The following GAA variants were observed in gnomAD, a reference collection of about 807,000 sequenced individuals.
GAA encodes the protein alpha glucosidase, also known as lysosomal alpha-glucosidase.
In GAA, 88 loss-of-function variants were observed where a neutral mutation model predicts 103.9. The ratio of observed to expected loss-of-function variants is 0.85; its 90% CI spans 0.71 to 1.01. GAA has a LOEUF of 1.01. GAA is among the 50% of genes least tolerant of loss of function. The pLI, the probability that GAA is intolerant of heterozygous loss-of-function variation, is 0.00. For synonymous variants in GAA, 572 were observed against 563.1 expected, an observed-to-expected ratio of 1.02 and a Z score of -0.22; for missense variants, 1,350 against 1,305.3, an observed-to-expected ratio of 1.03 and a Z score of -0.53.
rs1480070037 is a variant in GAA at position 80,118,744 on chromosome 17, C to G, written c.2738C>G (p.Pro913Arg). The G allele has an allele frequency of 6.2e-7, 1 of 1,613,368 alleles. No individual in the cohort carries two copies. Among genetic ancestry groups the G allele is most frequent in the Non-Finnish European group, 8.5e-7 (1 of 1,180,022 alleles). The part of the protein sequence containing the change: ...KVTVLGVATA[P>R]QQVLSNGVPV... Reference sequence around the variant, plus strand: ...ACTGTCCTGGGCGTGGCCACGGCGCCCCAGCAGGTCCTCTCCAACGGTGTC... The same window carrying G: ...ACTGTCCTGGGCGTGGCCACGGCGCGCCAGCAGGTCCTCTCCAACGGTGTC... Residue 913 changes from proline to arginine, a missense_variant, in exon 19 of 20, where the codon CCC (proline) becomes CGC (arginine). Coordinates refer to ENST00000302262, the MANE Select transcript of GAA (RefSeq NM_000152.5).
chr17:80,101,933 C>T lies in GAA; in HGVS notation c.-33+43C>T, dbSNP rs565764519. ...TGCCCCGCGCTGCCGGCGGTAACATCCCAGAAGCGGGTTTGAACGTGCCTA... is the reference window on the plus strand; with the variant it reads ...TGCCCCGCGCTGCCGGCGGTAACATTCCAGAAGCGGGTTTGAACGTGCCTA... On this transcript the variant is annotated intron_variant, in intron 1 of 19. Coordinates refer to ENST00000302262, the MANE Select transcript of GAA (RefSeq NM_000152.5). 3.3e-5 allele frequency: 5 copies of T among 152,418 alleles called. No homozygotes were observed. In the East Asian group the frequency reaches 7.7e-4, roughly 24 times the overall value. 9.4% of individuals were successfully genotyped at this position (152,418 alleles called of 1,614,324 possible).
chr17:80,111,910 G>A (rs371600798), intron 11 of GAA, 73 bp from the exon 12 acceptor site: 1 of 1,292,828 alleles, frequency 7.7e-7, no homozygotes, highest in Non-Finnish European at 1.1e-6. Flanking sequence ...CTCCTGGGAG[G>A]TGGGGGGCAG....
In GAA at chr17:80,112,620, C is replaced by A. The variant is rs761377657; in HGVS notation, c.1797C>A (p.Ser599=). 6.2e-7 allele frequency: 1 copy of A among 1,612,920 alleles called. No individual in the cohort carries two copies. The highest frequency in any genetic ancestry group is 2.2e-5 in the East Asian group (1 of 44,886). The change falls in exon 13 of 20, where the codon TCC becomes TCA. Residue 599 remains serine (S), a synonymous_variant. Coordinates refer to ENST00000302262, the MANE Select transcript of GAA (RefSeq NM_000152.5). ...GGGGGACACGCCCATTTGTGATCTCCCGCTCGACCTTTGCTGGCCACGGCC... is the reference window on the plus strand; with the variant it reads ...GGGGGACACGCCCATTTGTGATCTCACGCTCGACCTTTGCTGGCCACGGCC... ...KARGTRPFVI[S]RSTFAGHGRY...
chr17:80,108,894 G>C (rs1008401943), intron 8 of GAA, 66 bp downstream of exon 8: 2 of 1,522,078 alleles, frequency 1.3e-6, no homozygotes, highest in East Asian at 2.5e-5. Flanking sequence ...CTCCTTCTCT[G>C]TGCAGCGTCA....
chr17:80,117,889 G>A (rs2039393240), intron 17 of GAA, 140 bp downstream of exon 17: 1 of 925,158 alleles, frequency 1.1e-6, no homozygotes, highest in Non-Finnish European at 1.6e-6. Context: ...CAAGGAGCCA[G>A]CCAGGCCAGT....
Position 80,112,595 on chromosome 17 carries a change from G to A in GAA, c.1772G>A (p.Arg591Gln), listed in dbSNP as rs528010457. 1.8e-5 allele frequency: 29 copies of A among 1,612,942 alleles called. 1 individual carries two copies. The highest frequency in any genetic ancestry group is 1.5e-4 in the South Asian group (14 of 91,080). ...CACCCCAGGGCGCTGGTGAAGGCTCGGGGGACACGCCCATTTGTGATCTCC... is the reference window on the plus strand; with the variant it reads ...CACCCCAGGGCGCTGGTGAAGGCTCAGGGGACACGCCCATTTGTGATCTCC... The part of the protein sequence containing the change: ...IASHRALVKA[R>Q]GTRPFVISRS... The change falls in exon 13 of 20, where the codon CGG (arginine) becomes CAG (glutamine). Residue 591 changes from arginine to glutamine, a missense_variant. Physicochemically the swap from Arg to Gln is conservative, Grantham distance 43. Coordinates refer to ENST00000302262, the MANE Select transcript of GAA (RefSeq NM_000152.5).
Position 80,118,658 on chromosome 17 carries a change from G to A in GAA, c.2652G>A (p.Thr884=), listed in dbSNP as rs143642048. Residue 884 remains threonine, a synonymous_variant, in exon 19 of 20, where the codon ACG becomes ACA. Coordinates refer to ENST00000302262, the MANE Select transcript of GAA (RefSeq NM_000152.5). ...TCTCTCTCTGCTCGGCCCAGAACAC[G>A]ATCGTGAATGAGCTGGTACGTGTGA... The part of the protein sequence containing the change: ...TQVIFLARNN[T]IVNELVRVTS... 919 of 1,612,242 alleles carry A rather than the reference G, an allele frequency of 5.7e-4. 1 individual carries two copies. Among genetic ancestry groups the A allele is most frequent in the Non-Finnish European group, 6.2e-4 (737 of 1,180,010 alleles).
At position 80,112,571 on chromosome 17, in the gene GAA, A is replaced by G. The variant is rs781539108; in HGVS notation, c.1755-7A>G. 35 of 1,612,704 alleles carry G rather than the reference A, an allele frequency of 2.2e-5. No individual in the cohort carries two copies. In the African/African-American group the frequency reaches 4.0e-4, roughly 18 times the overall value. ...CACAGCCCTCACGGTGTCCCCCACC[A>G]CCCCAGGGCGCTGGTGAAGGCTCGG... is the stretch of plus-strand genomic sequence containing the variant. On this transcript the variant is annotated splice_region_variant and splice_polypyrimidine_tract_variant and intron_variant, in intron 12 of 19. Transcript: ENST00000302262.
chr17:80,114,306 G>A (rs1302074705), intron 15 of GAA, among the ~76,000 whole-genome samples: 1 of 152,072 alleles, frequency 6.6e-6, no homozygotes, highest in Non-Finnish European at 1.5e-5. Context: ...GAGGAACACT[G>A]TTTGCAAAAC....
At position 80,104,837 on chromosome 17, in the gene GAA, TC is replaced by T. The variant is rs761317813; in HGVS notation, c.258del (p.Asn87ThrfsTer55). The T allele has an allele frequency of 6.2e-7, 1 of 1,611,664 alleles. No individual in the cohort carries two copies. The highest frequency in any genetic ancestry group is 1.1e-5 in the South Asian group (1 of 90,972). ...RPRAVPTQCD[V>X]PPNSRFDCAP... ...AGAGCAGTGCCCACACAGTGCGACG[TC>T]CCCCCCAACAGCCGCTTCGATTGCG... is the stretch of plus-strand genomic sequence containing the variant. On this transcript the variant is annotated frameshift_variant, in exon 2 of 20. Coordinates refer to ENST00000302262, the MANE Select transcript of GAA (RefSeq NM_000152.5). LOFTEE classifies it high-confidence loss of function. This position sits in a 1 kb window ranked among gnomAD's most constrained non-coding sequence, Gnocchi z 4.0.
intron 15 of GAA, among the ~76,000 whole-genome samples, chr17:80,114,556 G>A (rs536292035): frequency 7.9e-5 from 12 of 151,550 alleles, no homozygotes; most frequent in Non-Finnish European, 1.2e-4. Context: ...ATTGCCTCTC[G>A]TTCCTCTGTG....
chr17:80,111,970 C>A lies in GAA; in HGVS notation c.1637-13C>A, dbSNP rs765131719. The A allele has an allele frequency of 6.2e-7, 1 of 1,610,096 alleles. No homozygotes were observed. Among genetic ancestry groups the A allele is most frequent in the Non-Finnish European group, 8.5e-7 (1 of 1,177,470 alleles). On this transcript the variant is annotated splice_polypyrimidine_tract_variant and intron_variant, in intron 11 of 19. Coordinates refer to ENST00000302262, the MANE Select transcript of GAA (RefSeq NM_000152.5). ...GAGGAAGCTCCCTGGAAACCAGCCC[C>A]CGCCTCTTCCAGGGGTGGTTGGGGG...
In GAA at chr17:80,104,612, C is replaced by A; in HGVS notation, c.26C>A (p.Ser9Tyr). The change falls in exon 2 of 20, where the codon TCC becomes TAC. Residue 9 changes from serine (S) to tyrosine (Y), a missense_variant. Transcript: ENST00000302262. The surrounding 1 kb of genome is among the most constrained non-coding windows in gnomAD (Gnocchi z 4.0). The stretch of plus-strand genomic sequence containing the variant: ...ATGGGAGTGAGGCACCCGCCCTGCT[C>A]CCACCGGCTCCTGGCCGTCTGCGCC... MGVRHPPC[S>Y]HRLLAVCALV... 1 of 1,612,494 alleles carries A rather than the reference C, an allele frequency of 6.2e-7. No individual in the cohort carries two copies. Among genetic ancestry groups the A allele is most frequent in the South Asian group, 1.1e-5 (1 of 91,014 alleles).
At position 80,101,623 on chromosome 17, in the gene GAA, G is replaced by T. The variant is rs1352198940; in HGVS notation, c.-300G>T. The T allele has an allele frequency of 6.6e-6, 1 of 151,218 alleles. No individual in the cohort carries two copies. The highest frequency in any genetic ancestry group is 1.5e-5 in the Non-Finnish European group (1 of 67,720). 9.4% of individuals were successfully genotyped at this position (151,218 alleles called of 1,614,324 possible). A position where few individuals can be genotyped will look rare whatever the true frequency, so the allele number is the denominator to read the frequency against. On this transcript the variant is annotated 5_prime_UTR_variant, in exon 1 of 20. Coordinates refer to ENST00000302262, the MANE Select transcript of GAA (RefSeq NM_000152.5). ...CGGGCGGCCAGGGCGCGCGTGCGCG[G>T]AGGTGAGCCGGGCCGGGGCTGCGGG...
intron 11 of GAA, 80 bp from the exon 12 acceptor site, chr17:80,111,903 C>T: frequency 8.2e-7 from 1 of 1,221,954 alleles, no homozygotes; most frequent in Admixed American, 1.7e-5. Flanking sequence ...ACAGGGGCTC[C>T]TGGGAGGTGG....
rs773471300 is a variant in GAA at position 80,108,828 on chromosome 17, G to A, written c.1326G>A (p.Val442=). 1.3e-6 allele frequency: 2 copies of A among 1,588,808 alleles called. No individual in the cohort carries two copies. The highest frequency in any genetic ancestry group is 2.3e-5 in the South Asian group (2 of 88,084). The change falls in exon 8 of 20, where the codon GTG becomes GTA. Residue 442 remains valine (V), a splice_region_variant and synonymous_variant. Transcript: ENST00000302262. ...GCGGCCGGCGCTACATGATGATCGT[G>A]GTGTGTGCCCCCACACTGTGGGTCT... ...HQGGRRYMMI[V]DPAISSSGPA...
chr17:80,108,169 A>G (rs1334242723), intron 5 of GAA, 121 bp from the exon 6 acceptor site: 1 of 1,555,322 alleles, frequency 6.4e-7, no homozygotes, highest in Non-Finnish European at 8.8e-7. Context: ...TCCCCAGGCC[A>G]CTCTGAGCTC....
chr17:80,111,789 G>C, intron 11 of GAA, 194 bp from the exon 12 acceptor site: 1 of 602,516 alleles, frequency 1.7e-6, no homozygotes. Context: ...CTTAGAAGCA[G>C]TGGAGATGAT....
chr17:80,111,195 T>A (rs372787590), intron 11 of GAA, among the ~76,000 whole-genome samples, 170 bp downstream of exon 11: 22 of 152,080 alleles, frequency 1.4e-4, no homozygotes, highest in African/African-American at 4.8e-4. Flanking sequence ...AGCCAAGCAG[T>A]GCAGACAGGG....
Sources: gnomAD v4.1 joint callset for allele counts (sites outside exome capture counted in the v4.1 genomes callset) on GRCh38, gnomAD v4.1.1 for gene constraint, Gnocchi (gnomAD v3.1) non-coding constraint, MANE v1.5 for transcripts, NCBI Gene and HGNC (gene_info 2026-07-23, HGNC 2026-07-21) for gene names.